The following PPM1L variants were observed in gnomAD, a reference collection of about 807,000 sequenced individuals.
The protein encoded by PPM1L is protein phosphatase 1L.
In PPM1L, 13 loss-of-function variants were observed where a neutral mutation model predicts 31.4. That is an observed-to-expected ratio of 0.41 (90% CI 0.27 to 0.66). The LOEUF (loss-of-function observed/expected upper bound fraction) is 0.66. Ranked by LOEUF, PPM1L falls within the 30% of genes least tolerant of loss-of-function variation. The pLI is 0.29. For synonymous variants in PPM1L, 184 were observed against 175.4 expected, an observed-to-expected ratio of 1.05 and a Z score of -0.39; for missense variants, 326 against 453.7, an observed-to-expected ratio of 0.72 and a Z score of 2.56.
intron 1 of PPM1L, among the ~76,000 whole-genome samples, chr3:160,855,240 A>C (rs991129239): frequency 2.6e-5 from 4 of 152,216 alleles, no homozygotes; most frequent in African/African-American, 9.7e-5. Flanking sequence ...TCAATTAAAG[A>C]CTTAAATATA....
At chr3:160,946,940 A>G (rs1004045659) in intron 1 of PPM1L, among the ~76,000 whole-genome samples, 2 of 152,216 alleles carry the variant, frequency 1.3e-5, no homozygotes, top group Non-Finnish European at 2.9e-5. Context: ...AATGACTGGT[A>G]TAAGACACCC....
intron 1 of PPM1L, among the ~76,000 whole-genome samples, chr3:160,862,662 GCACACACACACACA>G (rs6148164): frequency 4.5e-4 from 57 of 127,224 alleles, no homozygotes; most frequent in Middle Eastern, 7.5e-3. Flanking sequence ...CTAGGCACAC[GCACACACACACACA>G]CACACACACA....
chr3:160,898,415 A>G (rs1451177304), intron 1 of PPM1L, among the ~76,000 whole-genome samples: 1 of 152,206 alleles, frequency 6.6e-6, no homozygotes, highest in Non-Finnish European at 1.5e-5. Context: ...ATTTATATTA[A>G]TGAGAAGTGA....
intron 2 of PPM1L, among the ~76,000 whole-genome samples, chr3:161,010,432 A>T (rs1231813562): frequency 6.6e-6 from 1 of 152,194 alleles, no homozygotes; most frequent in African/African-American, 2.4e-5. Flanking sequence ...ATTGTTGGAC[A>T]TTTGGGTTGG....
chr3:160,789,174 T>C (rs1712024754), intron 1 of PPM1L, among the ~76,000 whole-genome samples: 2 of 151,944 alleles, frequency 1.3e-5, no homozygotes, highest in African/African-American at 4.8e-5. Context: ...AAGTTCTTCA[T>C]ATAGATATTT....
intron 1 of PPM1L, among the ~76,000 whole-genome samples, chr3:160,816,962 C>T (rs1444769178): frequency 1.6e-4 from 24 of 151,780 alleles, no homozygotes; most frequent in Admixed American, 1.3e-3. Flanking sequence ...TAGTTCTTGG[C>T]GTTACTAGTG....
intron 2 of PPM1L, among the ~76,000 whole-genome samples, chr3:161,039,760 C>T (rs1718854675): frequency 6.6e-6 from 1 of 152,180 alleles, no homozygotes; most frequent in Non-Finnish European, 1.5e-5. Flanking sequence ...TCGTGATCCG[C>T]CCGCCTCGGC....
chr3:160,776,813 C>T (rs1711570418), intron 1 of PPM1L, among the ~76,000 whole-genome samples: 2 of 151,842 alleles, frequency 1.3e-5, no homozygotes, highest in South Asian at 4.2e-4. Flanking sequence ...GTTGGTCAGG[C>T]TGGTCTCGAA....
chr3:160,949,090 C>T (rs1281329955), intron 1 of PPM1L, among the ~76,000 whole-genome samples: 1 of 152,142 alleles, frequency 6.6e-6, no homozygotes, highest in Non-Finnish European at 1.5e-5. Flanking sequence ...TCCCCTCTTT[C>T]CACCCTAGGT....
intron 1 of PPM1L, among the ~76,000 whole-genome samples, chr3:160,793,847 A>G (rs1712170202): frequency 2.6e-5 from 4 of 152,194 alleles, no homozygotes; most frequent in Admixed American, 2.6e-4. Context: ...ATGCAAATGA[A>G]GGATTAAAAC....
chr3:160,887,492 C>T (rs1276064165), intron 1 of PPM1L, among the ~76,000 whole-genome samples: 1 of 151,014 alleles, frequency 6.6e-6, no homozygotes, highest in South Asian at 2.1e-4. Flanking sequence ...AGGTCACCTA[C>T]AAAGGGAAGC....
Position 160,924,882 on chromosome 3 carries a change from T to C in PPM1L, c.400-36854T>C, listed in dbSNP as rs557626589. On this transcript the variant is annotated intron_variant, in intron 1 of 3. Coordinates refer to ENST00000498165, the MANE Select transcript of PPM1L (RefSeq NM_139245.4). Reference sequence around the variant, plus strand: ...CTTATATCTAATGATAGGAAACAATTCGCATTTAGATTTCCTTTCTGGTAT... The same window carrying C: ...CTTATATCTAATGATAGGAAACAATCCGCATTTAGATTTCCTTTCTGGTAT... Among the ~76,000 whole-genome samples, 19 of 152,350 alleles carry C rather than the reference T, an allele frequency of 1.2e-4. No homozygotes were observed. The South Asian group carries it at 2.9e-3, about 23-fold the overall frequency.
At chr3:160,762,105 T>C (rs1302362130) in intron 1 of PPM1L, among the ~76,000 whole-genome samples, 2 of 152,238 alleles carry the variant, frequency 1.3e-5, no homozygotes, top group East Asian at 3.8e-4. Context: ...TGAAATAAGA[T>C]ACACTTCTGA....
Position 160,845,369 on chromosome 3 carries a change from T to C in PPM1L, c.399+88662T>C, listed in dbSNP as rs142257559. ...TCTTTTTATCATTGAATTGTAAGAG[T>C]TTTAAAAGATATTCTGGATATAAGT... On this transcript the variant is annotated intron_variant, in intron 1 of 3. Transcript: ENST00000498165. 1.7e-3 allele frequency among the ~76,000 whole-genome samples: 254 copies of C among 152,086 alleles called. 2 individuals are homozygous for C. The East Asian group carries it at 0.026, about 16-fold the overall frequency.
intron 1 of PPM1L, among the ~76,000 whole-genome samples, chr3:160,906,062 T>C (rs1713744048): frequency 6.6e-6 from 1 of 152,100 alleles, no homozygotes; most frequent in South Asian, 2.1e-4. Context: ...TGCCCTTTCT[T>C]AACATTATTA....
intron 1 of PPM1L, among the ~76,000 whole-genome samples, chr3:160,868,837 C>G (rs1297781545): frequency 6.6e-6 from 1 of 151,916 alleles, no homozygotes; most frequent in Non-Finnish European, 1.5e-5. Context: ...AGGAGAAAAT[C>G]ACAACAGAAC....
intron 1 of PPM1L, among the ~76,000 whole-genome samples, chr3:160,823,678 A>G (rs941541497): frequency 6.6e-6 from 1 of 152,172 alleles, no homozygotes; most frequent in Non-Finnish European, 1.5e-5. Flanking sequence ...CATATGCCAA[A>G]TACGCTATGC....
intron 1 of PPM1L, among the ~76,000 whole-genome samples, chr3:160,789,514 C>A (rs1284375015): frequency 6.6e-6 from 1 of 151,608 alleles, no homozygotes; most frequent in Non-Finnish European, 1.5e-5. Flanking sequence ...ATTTTATTCC[C>A]AAGCTTACTG....
chr3:160,991,188 G>C (rs368946221), intron 2 of PPM1L, among the ~76,000 whole-genome samples: 2 of 152,262 alleles, frequency 1.3e-5, no homozygotes, highest in East Asian at 3.9e-4. Context: ...GTGGGCCACA[G>C]ATTGGACAAG....
Sources: allele counts gnomAD v4.1 joint callset (sites outside exome capture counted in the v4.1 genomes callset), GRCh38; gene constraint gnomAD v4.1.1; transcripts MANE v1.5; gene names NCBI Gene and HGNC (gene_info 2026-07-23, HGNC 2026-07-21).